GIGYF2: variants seen among roughly 807,000 people sequenced by gnomAD.
GIGYF2 encodes the protein GRB10 interacting GYF protein 2, also known as GRB10-interacting GYF protein 2.
In GIGYF2, 25 loss-of-function variants were observed where a neutral mutation model predicts 208.1. That is an observed-to-expected ratio of 0.12 (90% CI 0.09 to 0.17). The LOEUF (loss-of-function observed/expected upper bound fraction) is 0.17, where lower values mean the gene tolerates loss of function less well. GIGYF2 is among the 10% of genes least tolerant of loss of function. GIGYF2 has a pLI of 1.00. For synonymous variants in GIGYF2, 534 were observed against 543.8 expected (o/e 0.98, Z 0.25); for missense variants, 1,302 against 1,579.4 (o/e 0.82, Z 2.98).
intron 2 of GIGYF2, among the ~76,000 whole-genome samples, chr2:232,707,547 C>T (rs960105917): frequency 4.6e-5 from 7 of 151,994 alleles, no homozygotes; most frequent in African/African-American, 1.7e-4. Context: ...GATTAGCAGC[C>T]GTCCTGCAAG....
At chr2:232,829,520 C>T (rs1334741972) in intron 21 of GIGYF2, among the ~76,000 whole-genome samples, 1 of 152,186 alleles carries the variant, frequency 6.6e-6, no homozygotes, top group East Asian at 1.9e-4. Flanking sequence ...TTCAACATTG[C>T]ACTCCACTCA....
At chr2:232,856,662 A>T in intron 28 of GIGYF2, 131 bp from the exon 29 acceptor site, 1 of 758,340 alleles carries the variant, frequency 1.3e-6, no homozygotes. Flanking sequence ...ACTGCACTCC[A>T]GCCTGGGTGA....
intron 8 of GIGYF2, among the ~76,000 whole-genome samples, chr2:232,773,660 G>A (rs1221295415): frequency 6.6e-6 from 1 of 152,006 alleles, no homozygotes; most frequent in Non-Finnish European, 1.5e-5. Flanking sequence ...TCTTTAGATA[G>A]TAATGATTAA....
intron 2 of GIGYF2, among the ~76,000 whole-genome samples, chr2:232,714,124 G>C (rs1403613702): frequency 1.3e-5 from 2 of 151,816 alleles, no homozygotes; most frequent in Admixed American, 6.6e-5. Context: ...TAATTTTTTT[G>C]TATTTTTTAG....
intron 3 of GIGYF2, among the ~76,000 whole-genome samples, chr2:232,746,274 A>G (rs535800081): frequency 1.3e-5 from 2 of 152,062 alleles, no homozygotes; most frequent in Non-Finnish European, 1.5e-5. Context: ...ACTGTTTACT[A>G]TGCATACGCT....
chr2:232,787,369 T>A, intron 9 of GIGYF2, 40 bp downstream of exon 9: 1 of 1,550,966 alleles, frequency 6.4e-7, no homozygotes, highest in African/African-American at 1.4e-5. Flanking sequence ...GGGACTGAAA[T>A]AAGGGAAAGT....
At chr2:232,782,622 A>G (rs1265735600) in intron 8 of GIGYF2, 2 of 152,238 alleles carry the variant, frequency 1.3e-5, no homozygotes, top group Non-Finnish European at 2.9e-5. Flanking sequence ...ACAGCCATGT[A>G]AAAGACCAAA....
At chr2:232,812,701 T>C (rs1700770204) in intron 18 of GIGYF2, among the ~76,000 whole-genome samples, 1 of 151,740 alleles carries the variant, frequency 6.6e-6, no homozygotes, top group African/African-American at 2.4e-5. Flanking sequence ...ATTTAGTGGA[T>C]TTTTTTTTGA....
chr2:232,824,132 C>T (rs886659503), intron 21 of GIGYF2, among the ~76,000 whole-genome samples: 3 of 152,174 alleles, frequency 2.0e-5, no homozygotes, highest in Admixed American at 2.0e-4. Context: ...TCCTCTCCTT[C>T]GACCTCCCTA....
chr2:232,783,599 A>G (rs947650609), intron 8 of GIGYF2, among the ~76,000 whole-genome samples: 1 of 152,186 alleles, frequency 6.6e-6, no homozygotes, highest in Non-Finnish European at 1.5e-5. Flanking sequence ...AAATTTCTAT[A>G]AAGGAGCTTA....
Position 232,790,702 on chromosome 2 carries a change from C to T in GIGYF2, c.717C>T (p.Gly239=), listed in dbSNP as rs1327035589. The change falls in exon 10 of 29, where the codon GGC becomes GGT. Residue 239 remains glycine, a synonymous_variant. Transcript: ENST00000373563. ...GTGTCCTCCTTCTCATCTCAGATGG[C>T]CCTCGTTCTGCAGGCTGGCGGGAAC... ...GERWRPHSPD[G]PRSAGWREHM... 9.9e-6 allele frequency: 16 copies of T among 1,613,182 alleles called. No individual in the cohort carries two copies. The highest frequency in any genetic ancestry group is 1.1e-5 in the Non-Finnish European group (13 of 1,179,134).
chr2:232,752,814 A>G (rs1698385732), intron 5 of GIGYF2, among the ~76,000 whole-genome samples: 1 of 152,148 alleles, frequency 6.6e-6, no homozygotes, highest in Non-Finnish European at 1.5e-5. Flanking sequence ...TGCTGGGATT[A>G]CAGGCATGAG....
intron 8 of GIGYF2, among the ~76,000 whole-genome samples, chr2:232,784,352 G>A (rs952458418): frequency 6.7e-6 from 1 of 149,518 alleles, no homozygotes; most frequent in Non-Finnish European, 1.5e-5. Context: ...GGTGGCATGT[G>A]CCTGAGGTTC....
Position 232,844,127 on chromosome 2 carries a change from A to G in GIGYF2, c.2971A>G (p.Asn991Asp). The change falls in exon 24 of 29, where the codon AAT becomes GAT. Residue 991 changes from asparagine (N) to aspartate (D), a missense_variant. Asn to Asp is a conservative substitution (Grantham distance 23). Around this residue, in one of 8 missense-constraint regions of GIGYF2, gnomAD observed 701 missense variants for 793.0 expected, o/e 0.88. Coordinates refer to ENST00000373563, the MANE Select transcript of GIGYF2 (RefSeq NM_001103146.3). The stretch of plus-strand genomic sequence containing the variant: ...ACAGCAGAAACTCTCAGGTTGGGGG[A>G]ATGTCAGCAAACCTTCAGGTACCAC... ...QQQQKLSGWG[N>D]VSKPSGTTKS... is the part of the protein sequence containing the mutation. The G allele has an allele frequency of 6.3e-7, 1 of 1,591,514 alleles. No homozygotes were observed. The highest frequency in any genetic ancestry group is 8.6e-7 in the Non-Finnish European group (1 of 1,166,950).
intron 22 of GIGYF2, 137 bp from the exon 23 acceptor site, chr2:232,839,712 A>C: frequency 1.1e-6 from 1 of 899,742 alleles, no homozygotes; most frequent in South Asian, 1.5e-5. Context: ...AAAGCAATGA[A>C]GAAGGAAATT....
chr2:232,723,654 C>T (rs944513935), intron 2 of GIGYF2, among the ~76,000 whole-genome samples: 9 of 150,962 alleles, frequency 6.0e-5, no homozygotes, highest in East Asian at 5.9e-4. Flanking sequence ...TGGTCTTGAA[C>T]GCCTGACCTC....
chr2:232,824,382 C>T (rs1319635275), intron 21 of GIGYF2, among the ~76,000 whole-genome samples: 1 of 152,196 alleles, frequency 6.6e-6, no homozygotes, highest in Non-Finnish European at 1.5e-5. Flanking sequence ...AAGTGCTACT[C>T]CAGTGAACAC....
chr2:232,813,819 C>A (rs1700818359), intron 18 of GIGYF2, among the ~76,000 whole-genome samples: 1 of 151,296 alleles, frequency 6.6e-6, no homozygotes, highest in African/African-American at 2.4e-5. Context: ...ATCCAAAAGT[C>A]CACAATCCAA....
chr2:232,714,302 A>G (rs1696572487), intron 2 of GIGYF2, among the ~76,000 whole-genome samples: 1 of 152,160 alleles, frequency 6.6e-6, no homozygotes, highest in Admixed American at 6.5e-5. Flanking sequence ...TTACATAGCC[A>G]CATGTATGTG....
Sources: gnomAD v4.1 joint callset for allele counts (sites outside exome capture counted in the v4.1 genomes callset) on GRCh38, gnomAD v4.1.1 for gene constraint, gnomAD v4.1.1 regional missense constraint, MANE v1.5 for transcripts, NCBI Gene and HGNC (gene_info 2026-07-23, HGNC 2026-07-21) for gene names.